Variants in SPINK5 observed in about 807,000 individuals in gnomAD.
SPINK5 encodes serine peptidase inhibitor Kazal type 5.
In SPINK5, 125 loss-of-function variants were observed where a neutral mutation model predicts 151.8. The observed-to-expected ratio is 0.82, with a 90% confidence interval of 0.71 to 0.96. The LOEUF is 0.96. Among genes scored for constraint, SPINK5 ranks in the 40% least tolerant of loss-of-function variants. The probability of loss-of-function intolerance (pLI) is 0.00; values close to 1 mark genes in which losing one functional copy is unlikely to be tolerated. For synonymous variants in SPINK5, 374 were observed against 395.3 expected (o/e 0.95, Z 0.64); for missense variants, 1,194 against 1,291.9 (o/e 0.92, Z 1.16).
chr5:148,101,337 T>G lies in SPINK5; in HGVS notation c.1221-18T>G. The G allele has an allele frequency of 6.4e-7, 1 of 1,570,952 alleles. No individual in the cohort carries two copies. The highest frequency in any genetic ancestry group is 8.8e-7 in the Non-Finnish European group (1 of 1,140,572). ...TTCTATGATTTTTACTTATCTCTTCTTAACCATCCTTTTTTAGCCAAGCAG... is the reference window on the plus strand; with the variant it reads ...TTCTATGATTTTTACTTATCTCTTCGTAACCATCCTTTTTTAGCCAAGCAG... On this transcript the variant is annotated intron_variant, in intron 13 of 32. Transcript: ENST00000256084.
At chr5:148,115,854 C>T (rs1157085832) in intron 21 of SPINK5, among the ~76,000 whole-genome samples, 1 of 148,218 alleles carries the variant, frequency 6.7e-6, no homozygotes, top group Admixed American at 6.7e-5. Context: ...TGGAGTCCCA[C>T]TCTGTCGTCC....
chr5:148,068,606 A>AAGC (rs1275167627), intron 2 of SPINK5, among the ~76,000 whole-genome samples: 1 of 150,218 alleles, frequency 6.7e-6, no homozygotes, highest in African/African-American at 2.5e-5. Flanking sequence ...AAGAAAAAAC[A>AAGC]AGCACAAAAC....
At chr5:148,072,267 ACT>A in intron 4 of SPINK5, 47 bp downstream of exon 4, 2 of 1,578,364 alleles carry the variant, frequency 1.3e-6, no homozygotes, top group Non-Finnish European at 1.7e-6. Flanking sequence ...AGGATGTTTG[ACT>A]CTATTTAGAG....
chr5:148,118,646 T>G (rs1754167013), intron 23 of SPINK5, 82 bp downstream of exon 23: 2 of 1,537,640 alleles, frequency 1.3e-6, no homozygotes, highest in Non-Finnish European at 1.8e-6. Context: ...TTGCTATGGC[T>G]CCTTCCATGC....
At chr5:148,099,200 C>T (rs752149456) in intron 11 of SPINK5, 34 bp from the exon 12 acceptor site, 1 of 1,575,108 alleles carries the variant, frequency 6.3e-7, no homozygotes, top group Non-Finnish European at 8.7e-7. Context: ...GTGTTTGTTC[C>T]TAATGGATCT....
chr5:148,076,226 T>A (rs1344067662), intron 4 of SPINK5, among the ~76,000 whole-genome samples: 1 of 151,738 alleles, frequency 6.6e-6, no homozygotes, highest in Admixed American at 6.6e-5. Flanking sequence ...CAAACTGTGT[T>A]AAATCCTTAG....
chr5:148,130,633 G>A (rs561980603), intron 30 of SPINK5, among the ~76,000 whole-genome samples: 58 of 152,164 alleles, frequency 3.8e-4, no homozygotes, highest in African/African-American at 1.3e-3. Context: ...GTTTTTTACC[G>A]TGGAAAACAT....
intron 28 of SPINK5, among the ~76,000 whole-genome samples, chr5:148,125,314 T>C (rs1754401743): frequency 6.6e-6 from 1 of 152,212 alleles, no homozygotes; most frequent in African/African-American, 2.4e-5. Flanking sequence ...ATGCTTTCTT[T>C]TCTATTTATT....
intron 8 of SPINK5, among the ~76,000 whole-genome samples, chr5:148,091,966 C>G (rs1034969022): frequency 6.6e-6 from 1 of 151,784 alleles, no homozygotes; most frequent in Non-Finnish European, 1.5e-5. Flanking sequence ...AAATGGCTAA[C>G]CTTTTGTTGA....
chr5:148,095,774 T>C (rs1454065538), intron 9 of SPINK5, 44 bp from the exon 10 acceptor site: 11 of 1,504,274 alleles, frequency 7.3e-6, no homozygotes, highest in Non-Finnish European at 9.3e-6. Flanking sequence ...TTTTGTAACA[T>C]GAAGATCGGA....
At chr5:148,098,276 G>A (rs1753526775) in intron 11 of SPINK5, among the ~76,000 whole-genome samples, 1 of 151,970 alleles carries the variant, frequency 6.6e-6, no homozygotes, top group Non-Finnish European at 1.5e-5. Flanking sequence ...AACTTCACAC[G>A]TTAGCCTGTT....
intron 29 of SPINK5, 148 bp downstream of exon 29, chr5:148,125,998 G>A: frequency 8.1e-7 from 1 of 1,232,334 alleles, no homozygotes; most frequent in Non-Finnish European, 1.2e-6. Context: ...GAGAACACCT[G>A]ATATAGTAGA....
At chr5:148,065,585 T>C in intron 2 of SPINK5, 1 of 544,486 alleles carries the variant, frequency 1.8e-6, no homozygotes, top group Non-Finnish European at 3.3e-6. Flanking sequence ...AACATATTAA[T>C]GATGATGGAT....
intron 31 of SPINK5, among the ~76,000 whole-genome samples, chr5:148,131,681 TAC>T (rs1754576592): frequency 6.6e-6 from 1 of 152,202 alleles, no homozygotes; most frequent in South Asian, 2.1e-4. Context: ...TAATCCTGTG[TAC>T]AGTCATGGGA....
chr5:148,123,924 T>A lies in SPINK5; in HGVS notation c.2630T>A (p.Met877Lys). Residue 877 changes from methionine to lysine, a missense_variant, in exon 27 of 33, where the codon ATG (methionine) becomes AAG (lysine). Coordinates refer to ENST00000256084, the MANE Select transcript of SPINK5 (RefSeq NM_006846.4). Reference protein sequence around the residue: ...NNPVRGPYGKMHINKCAMCQS... With the variant: ...NNPVRGPYGKKHINKCAMCQS... ...CCTGTTCGAGGCCCATATGGCAAGATGCACATCAATAAATGTGCTATGTGT... is the reference window on the plus strand; with the variant it reads ...CCTGTTCGAGGCCCATATGGCAAGAAGCACATCAATAAATGTGCTATGTGT... 1 of 1,614,060 alleles carries A rather than the reference T, an allele frequency of 6.2e-7. No homozygotes were observed. Among genetic ancestry groups the A allele is most frequent in the South Asian group, 1.1e-5 (1 of 91,066 alleles).
chr5:148,079,289 A>T (rs1752960180), intron 4 of SPINK5, among the ~76,000 whole-genome samples: 1 of 151,208 alleles, frequency 6.6e-6, no homozygotes, highest in Non-Finnish European at 1.5e-5. Flanking sequence ...AATTAAATTT[A>T]AAAAAATGCC....
intron 4 of SPINK5, among the ~76,000 whole-genome samples, chr5:148,082,008 T>C (rs1254757224): frequency 6.6e-6 from 1 of 151,746 alleles, no homozygotes; most frequent in Non-Finnish European, 1.5e-5. Flanking sequence ...TTCATAGTCA[T>C]ATATGCAATT....
Position 148,127,091 on chromosome 5 carries a change from T to A in SPINK5, c.2964+12T>A. On this transcript the variant is annotated intron_variant, in intron 30 of 32. Transcript: ENST00000256084. ...CTTTCAGTTCTCTGGTAAGGAGGAC[T>A]ATTTCTGAAAAGCTACTTATCAATT... The A allele has an allele frequency of 1.2e-6, 2 of 1,603,586 alleles. No individual in the cohort carries two copies. The highest frequency in any genetic ancestry group is 1.7e-6 in the Non-Finnish European group (2 of 1,171,802).
chr5:148,131,464 A>G, intron 31 of SPINK5, 75 bp downstream of exon 31: 1 of 1,594,278 alleles, frequency 6.3e-7, no homozygotes, highest in Non-Finnish European at 8.6e-7. Context: ...ATAGTAATGC[A>G]CTGATATAAA....
Sources: allele counts gnomAD v4.1 joint callset (sites outside exome capture counted in the v4.1 genomes callset), GRCh38; gene constraint gnomAD v4.1.1; transcripts MANE v1.5; gene names NCBI Gene and HGNC (gene_info 2026-07-23, HGNC 2026-07-21).